FUT8: variants seen among roughly 807,000 people sequenced by gnomAD.
FUT8 encodes the protein fucosyltransferase 8, also known as alpha-(1,6)-fucosyltransferase.
Under a neutral mutation model 71.3 loss-of-function variants are expected in FUT8, and 29 were observed. The ratio of observed to expected loss-of-function variants is 0.41; its 90% CI spans 0.30 to 0.55. FUT8 has a LOEUF of 0.55. FUT8 is among the 20% of genes least tolerant of loss of function. The pLI, the probability that FUT8 is intolerant of heterozygous loss-of-function variation, is 0.34. For synonymous variants in FUT8, 254 were observed against 239.3 expected (o/e 1.06, Z -0.57); for missense variants, 544 against 702.1 (o/e 0.77, Z 2.55).
intron 7 of FUT8, among the ~76,000 whole-genome samples, chr14:65,693,155 C>T (rs1180280392): frequency 5.3e-5 from 8 of 152,176 alleles, no homozygotes; most frequent in Non-Finnish European, 7.4e-5. Flanking sequence ...CCAAGGCAGG[C>T]GGCTGGGAGG....
chr14:65,631,454 G>C (rs530949705), intron 6 of FUT8, among the ~76,000 whole-genome samples: 2 of 151,712 alleles, frequency 1.3e-5, no homozygotes, highest in Non-Finnish European at 2.9e-5. Flanking sequence ...GCTGATTTTT[G>C]TGGTTCCGTA....
rs562509420 is a variant in FUT8, at chr14:65,652,934, T to C, written c.598-16309T>C. ...GATCATTGGCCATCTCTCTCTGTAT[T>C]GGTCTTTTCAGTATTGCAACTTCAA... On this transcript the variant is annotated intron_variant, in intron 6 of 10. Transcript: ENST00000673929. The surrounding 1 kb of genome is among the most constrained non-coding windows in gnomAD (Gnocchi z 4.0). Among the ~76,000 whole-genome samples the C allele has an allele frequency of 1.3e-5, 2 of 152,276 alleles. No homozygotes were observed. Among genetic ancestry groups the C allele is most frequent in the South Asian group, 2.1e-4 (1 of 4,830 alleles).
At chr14:65,372,244 C>A in the FUT8 span, among the ~76,000 whole-genome samples, 3 of 152,192 alleles carry the variant, frequency 2.0e-5, no homozygotes, top group Non-Finnish European at 4.4e-5. Flanking sequence ...AGATCCTCAT[C>A]CACCTTGGCC....
intron 2 of FUT8, among the ~76,000 whole-genome samples, chr14:65,547,990 T>G (rs1885069632): frequency 6.6e-6 from 1 of 152,034 alleles, no homozygotes; most frequent in Non-Finnish European, 1.5e-5. Context: ...CTTAGACTTC[T>G]CTAATCTATG....
At chr14:65,577,410 C>T (rs1260610933) in intron 3 of FUT8, among the ~76,000 whole-genome samples, 3 of 151,864 alleles carry the variant, frequency 2.0e-5, no homozygotes, top group Non-Finnish European at 4.4e-5. Context: ...TTAAAAAAGT[C>T]GTGTAAGGGG....
chr14:65,430,040 G>T (rs1162692816), intron 1 of FUT8, among the ~76,000 whole-genome samples: 2 of 149,172 alleles, frequency 1.3e-5, no homozygotes, highest in African/African-American at 5.0e-5. Context: ...TTTTTTTTGA[G>T]ACAGGGTATC....
intron 6 of FUT8, among the ~76,000 whole-genome samples, chr14:65,648,956 G>A (rs530080550): frequency 2.0e-5 from 3 of 152,192 alleles, no homozygotes; most frequent in African/African-American, 7.2e-5. Context: ...GGAGAAGTAG[G>A]GAGTCTCTGA....
At chr14:65,569,513 A>G (rs1465244829) in intron 3 of FUT8, among the ~76,000 whole-genome samples, 1 of 151,692 alleles carries the variant, frequency 6.6e-6, no homozygotes, top group Admixed American at 6.6e-5. Flanking sequence ...CACAGTTAGT[A>G]ATTTTTTATA....
chr14:65,611,213 GCGCGCGCGCGCACACACACA>G (rs1888915822), intron 3 of FUT8, among the ~76,000 whole-genome samples: 4 of 6,248 alleles, frequency 6.4e-4, no homozygotes, highest in East Asian at 1.4e-3. Flanking sequence ...GCGCGCGCGC[GCGCGCGCGCGCACACACACA>G]CACACACACA....
chr14:65,716,310 A>G (rs1330119964), intron 7 of FUT8, among the ~76,000 whole-genome samples: 1 of 149,770 alleles, frequency 6.7e-6, no homozygotes, highest in Non-Finnish European at 1.5e-5. Context: ...TGTTGAGTGC[A>G]TATATATTTA....
intron 3 of FUT8, among the ~76,000 whole-genome samples, chr14:65,567,037 T>C (rs542260860): frequency 1.3e-5 from 2 of 152,010 alleles, no homozygotes; most frequent in South Asian, 4.1e-4. Flanking sequence ...TCTCATGGAG[T>C]TGTAAAATCT....
chr14:65,636,505 C>T (rs2140285704), intron 6 of FUT8: 1 of 152,258 alleles, frequency 6.6e-6, no homozygotes, highest in East Asian at 1.9e-4. Flanking sequence ...CCTCTTAGCA[C>T]CACCTTTGCC....
At chr14:65,521,794 A>G (rs2139863284) in intron 2 of FUT8, among the ~76,000 whole-genome samples, 1 of 152,168 alleles carries the variant, frequency 6.6e-6, no homozygotes, top group Admixed American at 6.5e-5. Context: ...TATCTTGGGC[A>G]CCCACTACAG....
In FUT8 at chr14:65,451,099, G is replaced by A. The variant is rs1034180717; in HGVS notation, c.-325-4522G>A. Among the ~76,000 whole-genome samples the A allele has an allele frequency of 9.9e-5, 15 of 151,960 alleles. 1 individual carries two copies. The highest frequency in any genetic ancestry group is 4.2e-4 in the South Asian group (2 of 4,818). On this transcript the variant is annotated intron_variant, in intron 1 of 10. Coordinates refer to ENST00000673929, the MANE Select transcript of FUT8 (RefSeq NM_001371533.1). ...TCTTGATCTCCTGACCTCGTGATCCGCCCGCCTCAGCCTCCCAAAGTGCTG... is the reference window on the plus strand; with the variant it reads ...TCTTGATCTCCTGACCTCGTGATCCACCCGCCTCAGCCTCCCAAAGTGCTG...
chr14:65,458,729 TTGTGTTCTCAGAAA>T (rs1249700734), intron 2 of FUT8, among the ~76,000 whole-genome samples: 1 of 152,130 alleles, frequency 6.6e-6, no homozygotes, highest in Non-Finnish European at 1.5e-5. Context: ...GCCTGCTGTA[TTGTGTTCTCAGAAA>T]ACATTTCTTT....
At chr14:65,680,873 C>T (rs1479448731) in intron 7 of FUT8, among the ~76,000 whole-genome samples, 1 of 152,128 alleles carries the variant, frequency 6.6e-6, no homozygotes, top group Non-Finnish European at 1.5e-5. Context: ...GATATAAGCT[C>T]CTTCACATAA....
At chr14:65,547,428 T>G (rs541087512) in intron 2 of FUT8, among the ~76,000 whole-genome samples, 2 of 151,766 alleles carry the variant, frequency 1.3e-5, no homozygotes, top group African/African-American at 4.8e-5. Flanking sequence ...CATAATACTT[T>G]GTTATTATTT....
chr14:65,470,656 T>A (rs745718966), intron 2 of FUT8, among the ~76,000 whole-genome samples: 1 of 152,082 alleles, frequency 6.6e-6, no homozygotes, highest in Non-Finnish European at 1.5e-5. Flanking sequence ...AGCAGTCGCC[T>A]GATGTGGGGT....
At chr14:65,458,189 A>C (rs996968187) in intron 2 of FUT8, 2 of 150,392 alleles carry the variant, frequency 1.3e-5, no homozygotes, top group African/African-American at 4.9e-5. Flanking sequence ...CTCAAAAAAA[A>C]AAAAAACAAA....
Sources: allele counts gnomAD v4.1 joint callset (sites outside exome capture counted in the v4.1 genomes callset), GRCh38; gene constraint gnomAD v4.1.1; non-coding constraint Gnocchi (gnomAD v3.1); transcripts MANE v1.5; gene names NCBI Gene and HGNC (gene_info 2026-07-23, HGNC 2026-07-21).